PTPN5: variants seen among roughly 807,000 people sequenced by gnomAD.
The protein encoded by PTPN5 is protein tyrosine phosphatase non-receptor type 5, also known as tyrosine-protein phosphatase non-receptor type 5.
PTPN5 carries 29 observed loss-of-function variants against 73.9 expected under a neutral mutation model. The observed-to-expected ratio is 0.39, with a 90% CI of 0.29 to 0.54. The LOEUF is 0.54. PTPN5 is among the 20% of genes least tolerant of loss of function. PTPN5 has a pLI of 0.65. For synonymous variants in PTPN5, 267 were observed against 304.7 expected, an observed-to-expected ratio of 0.88 and a Z score of 1.29; for missense variants, 652 against 751.4, an observed-to-expected ratio of 0.87 and a Z score of 1.55.
chr11:18,748,389 G>A (rs1222445641), intron 3 of PTPN5, among the ~76,000 whole-genome samples: 2 of 152,148 alleles, frequency 1.3e-5, no homozygotes, highest in Admixed American at 1.3e-4. Flanking sequence ...GCTCAGAGAG[G>A]GGGAGGCTTA....
At chr11:18,782,599 AC>A (rs1418405952) in intron 1 of PTPN5, among the ~76,000 whole-genome samples, 8 of 152,208 alleles carry the variant, frequency 5.3e-5, no homozygotes, top group Non-Finnish European at 1.0e-4. Context: ...TTAGGAACAG[AC>A]AAAATCCATC....
chr11:18,780,579 A>C (rs7121896), intron 1 of PTPN5, among the ~76,000 whole-genome samples: 1 of 151,958 alleles, frequency 6.6e-6, no homozygotes, highest in African/African-American at 2.4e-5. Flanking sequence ...ACCTCAGCCC[A>C]GGTCTCCTCC....
intron 1 of PTPN5, among the ~76,000 whole-genome samples, chr11:18,785,642 C>T (rs775839509): frequency 2.6e-5 from 4 of 152,146 alleles, no homozygotes. Context: ...ATTCCAGATG[C>T]CCATATGCTG....
Position 18,744,007 on chromosome 11 carries a change from AG to A in PTPN5, c.289del (p.Leu97CysfsTer28). ...TTGTGAGGCCTGTGCCATCCTTACC[AG>A]GAACTGTGAGGCAGCGAACAGGCAC... ...SLCLFAASQF[L>X]LACGVLWFSG... On this transcript the variant is annotated frameshift_variant and splice_region_variant, in exon 4 of 15. Transcript: ENST00000358540. LOFTEE classifies it high-confidence loss of function. 1 of 1,596,440 alleles carries A rather than the reference AG, an allele frequency of 6.3e-7. No individual in the cohort carries two copies. The highest frequency in any genetic ancestry group is 8.5e-7 in the Non-Finnish European group (1 of 1,173,388).
At chr11:18,759,356 G>A (rs1850290613) in intron 3 of PTPN5, among the ~76,000 whole-genome samples, 1 of 152,132 alleles carries the variant, frequency 6.6e-6, no homozygotes, top group Non-Finnish European at 1.5e-5. Flanking sequence ...TGAGGAATTT[G>A]GAACTCACAG....
intron 1 of PTPN5, among the ~76,000 whole-genome samples, chr11:18,773,848 G>A (rs888074137): frequency 2.6e-5 from 4 of 152,140 alleles, no homozygotes; most frequent in Non-Finnish European, 4.4e-5. Context: ...CTGCAGCTGG[G>A]GACTGCCCCC....
chr11:18,787,700 A>C (rs553295281), intron 1 of PTPN5, among the ~76,000 whole-genome samples: 1 of 152,270 alleles, frequency 6.6e-6, no homozygotes, highest in African/African-American at 2.4e-5. Context: ...TTCTATTTAA[A>C]GGCAGATCTC....
intron 9 of PTPN5, among the ~76,000 whole-genome samples, chr11:18,734,624 G>C (rs1166632006): frequency 6.6e-6 from 1 of 152,188 alleles, no homozygotes. Flanking sequence ...ATGAGCCACT[G>C]TGCCCAGCCC....
In PTPN5 at chr11:18,732,667, C is replaced by T. The variant is rs778491454; in HGVS notation, c.1254G>A (p.Ala418=). ...GCACAGTGATCTCAACACCGTCGTA[C>T]GCCACCTGCTCCTCCGGCCAATACT... ...CTEYWPEEQV[A]YDGVEITVQK... The change falls in exon 12 of 15, where the codon GCG becomes GCA. Residue 418 remains alanine, a synonymous_variant. Transcript: ENST00000358540. 168 of 1,613,816 alleles carry T rather than the reference C, an allele frequency of 1.0e-4. 1 individual carries two copies. The highest frequency in any genetic ancestry group is 8.8e-4 in the South Asian group (80 of 91,082).
intron 12 of PTPN5, among the ~76,000 whole-genome samples, chr11:18,731,180 ATAT>A (rs1242135936): frequency 1.4e-5 from 2 of 147,252 alleles, no homozygotes; most frequent in Admixed American, 6.8e-5. Flanking sequence ...TATATTTTAT[ATAT>A]TATATATTTA....
chr11:18,737,785 C>A (rs1849179434), intron 9 of PTPN5, 95 bp downstream of exon 9: 2 of 1,096,634 alleles, frequency 1.8e-6, no homozygotes, highest in Admixed American at 1.7e-5. Flanking sequence ...AGTCCTGTCA[C>A]CCCTAGAGGC....
chr11:18,742,356 C>T lies in PTPN5; in HGVS notation c.631G>A (p.Val211Met). The stretch of plus-strand genomic sequence containing the variant: ...CAATCAAACACAGGAGTCTCGGGCA[C>T]CGGGTCGAGGTCCAGGAAGTCATCC... ...IEDDFLDLDP[V>M]PETPVFDCVM... Residue 211 changes from valine to methionine, a missense_variant, in exon 7 of 15, where the codon GTG becomes ATG. Val to Met is a conservative substitution (Grantham distance 21). This residue lies in a region of PTPN5 where 529 missense variants were observed against 573.9 expected (regional missense o/e 0.92). Coordinates refer to ENST00000358540, the MANE Select transcript of PTPN5 (RefSeq NM_006906.2). This position sits in a 1 kb window ranked among gnomAD's most constrained non-coding sequence, Gnocchi z 4.1. 1 of 1,614,140 alleles carries T rather than the reference C, an allele frequency of 6.2e-7. No homozygotes were observed. Among genetic ancestry groups the T allele is most frequent in the African/African-American group, 1.3e-5 (1 of 75,014 alleles).
At chr11:18,768,819 A>G (rs1442562997) in intron 2 of PTPN5, among the ~76,000 whole-genome samples, 2 of 152,176 alleles carry the variant, frequency 1.3e-5, no homozygotes, top group Non-Finnish European at 2.9e-5. Flanking sequence ...CAAAGAAAAT[A>G]CATGGCCCAT....
At chr11:18,741,269 A>G (rs1203156890) in intron 7 of PTPN5, among the ~76,000 whole-genome samples, 2 of 152,170 alleles carry the variant, frequency 1.3e-5, no homozygotes, top group Non-Finnish European at 2.9e-5. Context: ...AGTCAAGGAC[A>G]TATTGTCCAG....
rs187595227 is a variant in PTPN5 at position 18,752,981 on chromosome 11, T to A, written c.98-8782A>T. 2.0e-5 allele frequency among the ~76,000 whole-genome samples: 3 copies of A among 152,356 alleles called. No homozygotes were observed. In the East Asian group the frequency reaches 5.8e-4, roughly 29 times the overall value. On this transcript the variant is annotated intron_variant, in intron 3 of 14. Transcript: ENST00000358540. ...GGACTGCCATGCTCATCTTTAAGCC[T>A]CTAGTTCAGCTCTCTCATTAAGCTA...
At position 18,742,904 on chromosome 11, in the gene PTPN5, G is replaced by A. The variant is rs1849435114; in HGVS notation, c.483+88C>T. On this transcript the variant is annotated intron_variant, in intron 6 of 14. Transcript: ENST00000358540. This position sits in a 1 kb window ranked among gnomAD's most constrained non-coding sequence, Gnocchi z 4.1. The stretch of plus-strand genomic sequence containing the variant: ...CTCCTTGCCCCACCCAGAATGTCCA[G>A]CCTATAAGTCAGATGGGAGCTGGTA... 8 of 912,784 alleles carry A rather than the reference G, an allele frequency of 8.8e-6. No individual in the cohort carries two copies. Among genetic ancestry groups the A allele is most frequent in the Non-Finnish European group, 1.4e-5 (8 of 572,230 alleles). The allele number at this position is 912,784 out of a possible 1,614,324, so 56.5% of individuals were successfully genotyped here. A position where few individuals can be genotyped will look rare whatever the true frequency, so the allele number is the denominator to read the frequency against.
chr11:18,775,991 C>A (rs1189291436), intron 1 of PTPN5, among the ~76,000 whole-genome samples: 1 of 152,132 alleles, frequency 6.6e-6, no homozygotes, highest in East Asian at 1.9e-4. Flanking sequence ...GTGGATGGTC[C>A]TACCTGATTA....
At chr11:18,741,167 G>C (rs1242090701) in intron 7 of PTPN5, among the ~76,000 whole-genome samples, 6 of 152,162 alleles carry the variant, frequency 3.9e-5, no homozygotes, top group Admixed American at 3.9e-4. Flanking sequence ...CCTGCCTGAA[G>C]CACAGAAGCG....
chr11:18,756,661 G>C (rs1272257714), intron 3 of PTPN5, among the ~76,000 whole-genome samples: 1 of 151,958 alleles, frequency 6.6e-6, no homozygotes, highest in East Asian at 2.0e-4. Context: ...GGTGGCTCAC[G>C]CCTGTAATCC....
Sources: gnomAD v4.1 joint callset for allele counts (sites outside exome capture counted in the v4.1 genomes callset) on GRCh38, gnomAD v4.1.1 for gene constraint, gnomAD v4.1.1 regional missense constraint, Gnocchi (gnomAD v3.1) non-coding constraint, MANE v1.5 for transcripts, NCBI Gene and HGNC (gene_info 2026-07-23, HGNC 2026-07-21) for gene names.